The following SSBP3 variants were observed in gnomAD, a reference collection of about 807,000 sequenced individuals.
SSBP3 encodes the protein single stranded DNA binding protein 3, also known as single-stranded DNA-binding protein 3.
SSBP3 carries 5 observed loss-of-function variants against 69.6 expected under a neutral mutation model. That is an observed-to-expected ratio of 0.07 (90% CI 0.04 to 0.15). The LOEUF (loss-of-function observed/expected upper bound fraction) is 0.15, where lower values mean the gene tolerates loss of function less well. Among genes scored for constraint, SSBP3 ranks in the 10% least tolerant of loss-of-function variants. SSBP3 has a pLI of 1.00. For missense variants in SSBP3, 312 were observed against 534.0 expected (o/e 0.58, Z 4.10); for synonymous variants, 196 against 193.4 (o/e 1.01, Z -0.11).
chr1:54,227,182 G>C (rs758498750), intron 17 of SSBP3, 22 bp from the exon 18 acceptor site: 17 of 626,138 alleles, frequency 2.7e-5, no homozygotes, highest in Non-Finnish European at 3.1e-5. Flanking sequence ...AAGCAGAGAA[G>C]GGGGGGGGGT....
Position 54,352,786 on chromosome 1 carries a change from C to T in SSBP3, c.276+49075G>A, listed in dbSNP as rs188261336. Among the ~76,000 whole-genome samples the T allele has an allele frequency of 2.5e-3, 375 of 152,336 alleles. 1 individual carries two copies. Among genetic ancestry groups the T allele is most frequent in the Non-Finnish European group, 3.9e-3 (264 of 68,036 alleles). The stretch of plus-strand genomic sequence containing the variant: ...ACCTCAGAACTCCCATCTCAATCAA[C>T]TGCTCGGAAACTTCAATCTGAGAGT... On this transcript the variant is annotated intron_variant, in intron 4 of 17. Transcript: ENST00000610401.
intron 5 of SSBP3, among the ~76,000 whole-genome samples, chr1:54,262,377 C>T (rs1325373086): frequency 6.6e-6 from 1 of 152,144 alleles, no homozygotes; most frequent in African/African-American, 2.4e-5. Flanking sequence ...CATCATTCTA[C>T]AAGACTGCGA....
intron 4 of SSBP3, among the ~76,000 whole-genome samples, chr1:54,292,863 T>C (rs1645633413): frequency 6.6e-6 from 1 of 151,856 alleles, no homozygotes; most frequent in African/African-American, 2.4e-5. Context: ...TAACTCAGAT[T>C]CTGGCATCAC....
intron 4 of SSBP3, among the ~76,000 whole-genome samples, chr1:54,398,925 C>T (rs923682407): frequency 6.6e-6 from 1 of 152,152 alleles, no homozygotes; most frequent in Non-Finnish European, 1.5e-5. Context: ...TGATAGAAAA[C>T]AGAAGGTCAG....
exon 1 of SSBP3, chr1:54,406,109 G>GGCGC: frequency 2.1e-6 from 2 of 933,182 alleles, no homozygotes; most frequent in Non-Finnish European, 2.9e-6. Flanking sequence ...CCCCCTCCCC[G>GGCGC]GCGCTCGCTC....
chr1:54,314,108 T>C (rs765124137), intron 4 of SSBP3, among the ~76,000 whole-genome samples: 8 of 151,960 alleles, frequency 5.3e-5, no homozygotes, highest in Non-Finnish European at 1.0e-4. Flanking sequence ...GTGGCTGAGA[T>C]GGAAAATGGG....
chr1:54,381,758 G>C (rs1279750813), intron 4 of SSBP3, among the ~76,000 whole-genome samples: 1 of 152,252 alleles, frequency 6.6e-6, no homozygotes. Context: ...TGACAGAGCT[G>C]GCCAGCGCAG....
rs1290169991 is a variant in SSBP3 at position 54,329,147 on chromosome 1, C to A, written c.277-47620G>T. The stretch of plus-strand genomic sequence containing the variant: ...GGAAGGAAGGGGGTTTGAGTCTATT[C>A]CCCTGCCCCCACCCAAACTCAGCTC... On this transcript the variant is annotated intron_variant, in intron 4 of 17. Coordinates refer to ENST00000610401, the Ensembl canonical transcript of SSBP3. 2.0e-5 allele frequency among the ~76,000 whole-genome samples: 3 copies of A among 152,280 alleles called. No homozygotes were observed. In the East Asian group the frequency reaches 5.8e-4, roughly 29 times the overall value.
chr1:54,309,959 A>G (rs1569744182), intron 4 of SSBP3, among the ~76,000 whole-genome samples: 1 of 152,146 alleles, frequency 6.6e-6, no homozygotes, highest in Non-Finnish European at 1.5e-5. Flanking sequence ...GGGGAGCACA[A>G]ATCTCAAAAC....
At chr1:54,327,269 G>GAAGA (rs1172364638) in intron 4 of SSBP3, among the ~76,000 whole-genome samples, 4 of 142,694 alleles carry the variant, frequency 2.8e-5, no homozygotes, top group Non-Finnish European at 4.6e-5. Flanking sequence ...AGGAAGGAAG[G>GAAGA]AAAACAACAA....
intron 4 of SSBP3, among the ~76,000 whole-genome samples, chr1:54,289,619 G>A (rs1189804334): frequency 6.6e-6 from 1 of 152,170 alleles, no homozygotes; most frequent in Non-Finnish European, 1.5e-5. Flanking sequence ...AGGGGGATCA[G>A]GGAGGCTTTG....
At chr1:54,275,150 C>CA (rs1225856524) in intron 5 of SSBP3, among the ~76,000 whole-genome samples, 1 of 152,224 alleles carries the variant, frequency 6.6e-6, no homozygotes, top group Non-Finnish European at 1.5e-5. Context: ...GGGTGGCTGA[C>CA]AGGTCCCTGC....
intron 4 of SSBP3, among the ~76,000 whole-genome samples, chr1:54,335,642 A>G (rs1646495377): frequency 6.6e-6 from 1 of 152,104 alleles, no homozygotes; most frequent in African/African-American, 2.4e-5. Context: ...AAACACATCG[A>G]TTCAAGGAAA....
At chr1:54,227,986 G>A (rs1644315647) in intron 17 of SSBP3, among the ~76,000 whole-genome samples, 1 of 152,162 alleles carries the variant, frequency 6.6e-6, no homozygotes, top group Admixed American at 6.5e-5. Flanking sequence ...AACTCTCTCA[G>A]CCCAGGGCTC....
chr1:54,234,361 A>AAT (rs199674297), intron 14 of SSBP3, among the ~76,000 whole-genome samples: 7,166 of 151,464 alleles, frequency 0.047, 264 homozygotes, highest in Middle Eastern at 0.088. Flanking sequence ...TAAATTAAAA[A>AAT]AAATAAATAA....
At chr1:54,235,717 G>A (rs561467732) in intron 14 of SSBP3, among the ~76,000 whole-genome samples, 10 of 152,058 alleles carry the variant, frequency 6.6e-5, no homozygotes, top group Admixed American at 3.3e-4. Flanking sequence ...CAACGTGCTC[G>A]GATTACAGGC....
At chr1:54,309,925 G>A (rs1007613897) in intron 4 of SSBP3, among the ~76,000 whole-genome samples, 4 of 152,128 alleles carry the variant, frequency 2.6e-5, no homozygotes, top group East Asian at 1.9e-4. Context: ...CTTGTTGCTC[G>A]GATGTTGGTG....
intron 5 of SSBP3, among the ~76,000 whole-genome samples, chr1:54,279,306 G>T (rs1645348686): frequency 6.6e-6 from 1 of 152,178 alleles, no homozygotes; most frequent in South Asian, 2.1e-4. Context: ...AATCAGTCTT[G>T]GCTTTCTGAC....
intron 5 of SSBP3, among the ~76,000 whole-genome samples, chr1:54,262,182 G>A (rs773333396): frequency 6.6e-6 from 1 of 152,200 alleles, no homozygotes; most frequent in Non-Finnish European, 1.5e-5. Flanking sequence ...AACAGGGAGC[G>A]TGGCCTCTAC....
Sources: allele counts gnomAD v4.1 joint callset (sites outside exome capture counted in the v4.1 genomes callset), GRCh38; gene constraint gnomAD v4.1.1; transcripts MANE v1.5; gene names NCBI Gene and HGNC (gene_info 2026-07-23, HGNC 2026-07-21).